The following IKZF2 variants were observed in gnomAD, a reference collection of about 807,000 sequenced individuals.
IKZF2 encodes the protein zinc finger protein Helios.
A neutral mutation model predicts 49.2 loss-of-function variants in IKZF2; 15 were observed. That is an observed-to-expected ratio of 0.30 (90% CI 0.20 to 0.47). The LOEUF (loss-of-function observed/expected upper bound fraction) is 0.47, where lower values mean the gene tolerates loss of function less well. Among genes scored for constraint, IKZF2 ranks in the 20% least tolerant of loss-of-function variants. The pLI, the probability that IKZF2 is intolerant of heterozygous loss-of-function variation, is 1.00. For missense variants in IKZF2, 567 were observed against 664.6 expected (o/e 0.85, Z 1.61); for synonymous variants, 227 against 221.4 (o/e 1.03, Z -0.23).
chr2:213,021,727 A>T, intron 7 of IKZF2: 1 of 519,336 alleles, frequency 1.9e-6, no homozygotes, highest in Non-Finnish European at 3.7e-6. Context: ...CTATCTGGTT[A>T]GAAAAATGAA....
intron 4 of IKZF2, among the ~76,000 whole-genome samples, chr2:213,140,178 C>A (rs958369351): frequency 7.9e-5 from 12 of 151,820 alleles, no homozygotes; most frequent in African/African-American, 2.9e-4. Flanking sequence ...CATTAACATT[C>A]ATTTGGAATT....
chr2:213,009,674 T>A (rs78296087), intron 8 of IKZF2, among the ~76,000 whole-genome samples: 1,757 of 152,180 alleles, frequency 0.012, 14 homozygotes, highest in Middle Eastern at 0.027. Flanking sequence ...CTTAAAGAAC[T>A]TACAGTTTGG....
intron 6 of IKZF2, among the ~76,000 whole-genome samples, chr2:213,028,378 A>G (rs1421273355): frequency 2.0e-5 from 3 of 152,172 alleles, no homozygotes; most frequent in Non-Finnish European, 4.4e-5. Flanking sequence ...CAAAGTTTGT[A>G]ATCAGTTTGC....
At chr2:213,118,639 G>A (rs6713784) in intron 4 of IKZF2, among the ~76,000 whole-genome samples, 4,590 of 152,174 alleles carry the variant, frequency 0.03, 142 homozygotes, top group African/African-American at 0.077. Context: ...CAGGGTCAAC[G>A]AATGGCCAAA....
intron 4 of IKZF2, among the ~76,000 whole-genome samples, chr2:213,071,512 C>A (rs556791720): frequency 6.6e-6 from 1 of 152,130 alleles, no homozygotes; most frequent in Non-Finnish European, 1.5e-5. Flanking sequence ...GACTTTTGTA[C>A]CGGACACACT....
intron 4 of IKZF2, among the ~76,000 whole-genome samples, chr2:213,087,308 T>C (rs1237548674): frequency 6.6e-6 from 1 of 152,186 alleles, no homozygotes; most frequent in Non-Finnish European, 1.5e-5. Context: ...CATTTACTCA[T>C]GTCACTAATC....
chr2:213,054,920 T>G (rs1470580579), intron 5 of IKZF2, among the ~76,000 whole-genome samples: 1 of 152,116 alleles, frequency 6.6e-6, no homozygotes, highest in African/African-American at 2.4e-5. Context: ...AGTAGGTATA[T>G]AATTATTATT....
At position 213,003,338 on chromosome 2, in the gene IKZF2, T is replaced by A. The variant is rs1695058990; in HGVS notation, c.*4022A>T. The A allele has an allele frequency of 6.6e-6, 1 of 152,090 alleles. No individual in the cohort carries two copies. The highest frequency in any genetic ancestry group is 2.4e-5 in the African/African-American group (1 of 41,402). The allele number at this position is 152,090 out of a possible 1,614,324, so 9.4% of individuals were successfully genotyped here. On this transcript the variant is annotated 3_prime_UTR_variant, in exon 9 of 9. Coordinates refer to ENST00000434687, the MANE Select transcript of IKZF2 (RefSeq NM_001387220.1). ...TAACTTTCATATACACAAACTTCAA[T>A]TTCACCTCTTCCCACTTTTTTTTTC...
chr2:213,086,577 C>T (rs1704627185), intron 4 of IKZF2, among the ~76,000 whole-genome samples: 1 of 152,110 alleles, frequency 6.6e-6, no homozygotes, highest in Non-Finnish European at 1.5e-5. Flanking sequence ...CGGAAGCTCA[C>T]CTTTACTGCA....
intron 5 of IKZF2, among the ~76,000 whole-genome samples, chr2:213,051,787 A>T (rs1700703962): frequency 6.6e-6 from 1 of 151,988 alleles, no homozygotes; most frequent in African/African-American, 2.4e-5. Flanking sequence ...TCACTCCAAA[A>T]ATTTGATTTT....
At chr2:213,133,819 C>G (rs568742909) in intron 4 of IKZF2, among the ~76,000 whole-genome samples, 2 of 152,102 alleles carry the variant, frequency 1.3e-5, no homozygotes. Context: ...ATATTAAGCT[C>G]AAGTTTTGAT....
At chr2:213,082,811 G>A (rs1704091962) in intron 4 of IKZF2, among the ~76,000 whole-genome samples, 1 of 152,084 alleles carries the variant, frequency 6.6e-6, no homozygotes, top group African/African-American at 2.4e-5. Context: ...TTTTGGATGG[G>A]GTTTCAGCTA....
chr2:213,103,379 GTAT>G (rs1351028210), intron 4 of IKZF2, among the ~76,000 whole-genome samples: 1 of 152,060 alleles, frequency 6.6e-6, no homozygotes, highest in Non-Finnish European at 1.5e-5. Flanking sequence ...ATAATAAAAA[GTAT>G]TATATGAATA....
At chr2:213,065,044 CTT>C (rs374523401) in intron 4 of IKZF2, among the ~76,000 whole-genome samples, 2,497 of 152,098 alleles carry the variant, frequency 0.016, 26 homozygotes, top group Middle Eastern at 0.071. Context: ...TCCTATGAGT[CTT>C]TTAGTTACTC....
chr2:213,120,682 A>C (rs2060024973), intron 4 of IKZF2, among the ~76,000 whole-genome samples: 1 of 152,246 alleles, frequency 6.6e-6, no homozygotes, highest in Admixed American at 6.5e-5. Flanking sequence ...TTAATTCTAT[A>C]ACTCTAACTG....
chr2:213,094,287 C>T (rs1309447999), intron 4 of IKZF2, among the ~76,000 whole-genome samples: 2 of 152,020 alleles, frequency 1.3e-5, no homozygotes, highest in East Asian at 3.9e-4. Context: ...AACTAAGGGG[C>T]TACTAATCTA....
At chr2:213,090,606 T>C (rs1180817393) in intron 4 of IKZF2, among the ~76,000 whole-genome samples, 3 of 152,194 alleles carry the variant, frequency 2.0e-5, no homozygotes, top group Non-Finnish European at 4.4e-5. Flanking sequence ...AAATTGCAGA[T>C]GTAATGAATT....
chr2:213,030,628 A>G (rs567806036), intron 6 of IKZF2, among the ~76,000 whole-genome samples: 13 of 152,290 alleles, frequency 8.5e-5, no homozygotes, highest in Admixed American at 7.8e-4. Context: ...CTTCAATAAC[A>G]AAAAAGCAAA....
At chr2:213,110,527 A>C (rs2059671282) in intron 4 of IKZF2, among the ~76,000 whole-genome samples, 1 of 151,812 alleles carries the variant, frequency 6.6e-6, no homozygotes, top group Non-Finnish European at 1.5e-5. Context: ...CATAATATTC[A>C]ATTATTGGAT....
Sources: allele counts gnomAD v4.1 joint callset (sites outside exome capture counted in the v4.1 genomes callset), GRCh38; gene constraint gnomAD v4.1.1; transcripts MANE v1.5; gene names NCBI Gene and HGNC (gene_info 2026-07-23, HGNC 2026-07-21).